SSU72: variants seen among roughly 807,000 people sequenced by gnomAD.
SSU72 encodes the protein RNA polymerase II subunit A C-terminal domain phosphatase SSU72.
A neutral mutation model predicts 22.7 loss-of-function variants in SSU72; 12 were observed. The ratio of observed to expected loss-of-function variants is 0.53; its 90% CI spans 0.34 to 0.86. The LOEUF (loss-of-function observed/expected upper bound fraction) is 0.86, where lower values mean the gene tolerates loss of function less well. SSU72 is among the 40% of genes least tolerant of loss of function. The probability of loss-of-function intolerance (pLI) is 0.02; values close to 1 mark genes in which losing one functional copy is unlikely to be tolerated. For synonymous variants in SSU72, 116 were observed against 98.3 expected, an observed-to-expected ratio of 1.18 and a Z score of -1.06; for missense variants, 151 against 249.8, an observed-to-expected ratio of 0.60 and a Z score of 2.67.
chr1:1,563,073 T>C (rs1173697489), intron 2 of SSU72: 1 of 152,302 alleles, frequency 6.6e-6, no homozygotes, highest in Non-Finnish European at 1.5e-5. Flanking sequence ...CTGCCCAGCG[T>C]CCTCACCCAC....
chr1:1,544,180 A>C (rs1330089853), intron 3 of SSU72, among the ~76,000 whole-genome samples, 193 bp from the exon 4 acceptor site: 4 of 152,196 alleles, frequency 2.6e-5, no homozygotes, highest in Non-Finnish European at 5.9e-5. Context: ...AACCTGAGCA[A>C]ATCTCCAACT....
Position 1,554,723 on chromosome 1 carries a change from C to T in SSU72, c.225-9721G>A, listed in dbSNP as rs1311571974. Among the ~76,000 whole-genome samples, 1 of 152,130 alleles carries T rather than the reference C, an allele frequency of 6.6e-6. No individual in the cohort carries two copies. Among genetic ancestry groups the T allele is most frequent in the Non-Finnish European group, 1.5e-5 (1 of 68,020 alleles). ...TGGCTGGCACCAGGGACCGCACTCT[C>T]CCACCACGGCCTGGGAAAAAGCCAT... On this transcript the variant is annotated intron_variant, in intron 2 of 4. Coordinates refer to ENST00000291386, the MANE Select transcript of SSU72 (RefSeq NM_014188.3). This position sits in a 1 kb window ranked among gnomAD's most constrained non-coding sequence, Gnocchi z 4.1.
chr1:1,544,797 C>T (rs1353966255), intron 3 of SSU72, 66 bp downstream of exon 3: 2 of 1,610,722 alleles, frequency 1.2e-6, no homozygotes, highest in Admixed American at 1.7e-5. Flanking sequence ...TGGTGGGGCC[C>T]TGCAGGCATC....
chr1:1,547,031 A>G (rs1434603434), intron 2 of SSU72, among the ~76,000 whole-genome samples: 1 of 152,104 alleles, frequency 6.6e-6, no homozygotes, highest in Non-Finnish European at 1.5e-5. Flanking sequence ...ACACCGTCTC[A>G]AAAAGAAAAG....
chr1:1,555,541 C>T (rs1030990779), intron 2 of SSU72, among the ~76,000 whole-genome samples: 4 of 152,126 alleles, frequency 2.6e-5, no homozygotes, highest in Non-Finnish European at 4.4e-5. Context: ...GTGCCACAAG[C>T]GTGGACGGCA....
chr1:1,544,093 C>A, intron 3 of SSU72, 106 bp from the exon 4 acceptor site: 1 of 835,372 alleles, frequency 1.2e-6, no homozygotes, highest in Admixed American at 2.1e-5. Flanking sequence ...CAGCCCAGCC[C>A]CAGTGGTTTC....
At position 1,574,809 on chromosome 1, in the gene SSU72, GC is replaced by G; in HGVS notation, c.-253del. On this transcript the variant is annotated 5_prime_UTR_variant, in exon 1 of 5. Transcript: ENST00000291386. Reference sequence around the variant, plus strand: ...GCCGGGGGCGGCCAACGCCGCGCCGGCCCCCGGCGTCCGCAGCAGAGACCCG... The same window carrying G: ...GCCGGGGGCGGCCAACGCCGCGCCGGCCCCGGCGTCCGCAGCAGAGACCCG... The G allele has an allele frequency of 1.3e-5, 3 of 226,540 alleles. No homozygotes were observed. The highest frequency in any genetic ancestry group is 1.8e-5 in the Non-Finnish European group (2 of 113,224). The allele number at this position is 226,540 out of a possible 1,614,324, so 14.0% of individuals were successfully genotyped here. A position where few individuals can be genotyped will look rare whatever the true frequency, so the allele number is the denominator to read the frequency against.
At chr1:1,560,582 A>C (rs1011091260) in intron 2 of SSU72, among the ~76,000 whole-genome samples, 7 of 152,366 alleles carry the variant, frequency 4.6e-5, no homozygotes, top group Admixed American at 1.3e-4. Context: ...AAAATCAGCC[A>C]TCTAGAGCCA....
At chr1:1,546,703 G>A (rs964619188) in intron 2 of SSU72, among the ~76,000 whole-genome samples, 4 of 151,906 alleles carry the variant, frequency 2.6e-5, no homozygotes, top group Non-Finnish European at 4.4e-5. Flanking sequence ...CAGGTGGGGC[G>A]GCACACACCT....
chr1:1,572,674 G>A (rs1157487375), intron 1 of SSU72, among the ~76,000 whole-genome samples: 1 of 151,274 alleles, frequency 6.6e-6, no homozygotes, highest in Non-Finnish European at 1.5e-5. Context: ...AGCCAGGATA[G>A]TCTCAATCTC....
At chr1:1,572,473 T>A (rs1642743231) in intron 1 of SSU72, among the ~76,000 whole-genome samples, 1 of 151,052 alleles carries the variant, frequency 6.6e-6, no homozygotes, top group Non-Finnish European at 1.5e-5. Flanking sequence ...ATGTATTTAT[T>A]TGAGATGGAG....
In SSU72 at chr1:1,574,482, G is replaced by A; in HGVS notation, c.76C>T (p.Leu26Phe). 1.3e-6 allele frequency: 2 copies of A among 1,595,594 alleles called. No homozygotes were observed. The highest frequency in any genetic ancestry group is 1.7e-6 in the Non-Finnish European group (2 of 1,173,158). Residue 26 changes from leucine (L) to phenylalanine (F), a missense_variant, in exon 1 of 5, where the codon CTC becomes TTC. By Grantham distance (22) the Leu-to-Phe change is conservative (BLOSUM62 0). Transcript: ENST00000291386. ...QNRSMEAHNI[L>F]SKRGFSVRSF... Reference sequence around the variant, plus strand: ...GACAGGGTGGAGCCCAACTACCTGAGGATGTTGTGCGCCTCCATGCTCCGG... The same window carrying A: ...GACAGGGTGGAGCCCAACTACCTGAAGATGTTGTGCGCCTCCATGCTCCGG...
rs41286748 is a variant in SSU72, at chr1:1,542,326, G to A, written c.484-159C>T. On this transcript the variant is annotated intron_variant, in intron 4 of 4. Transcript: ENST00000291386. The surrounding 1 kb of genome is among the most constrained non-coding windows in gnomAD (Gnocchi z 4.4). ...CTGCTGCCTCACAAGGACGGCCGGA[G>A]GCTGCAGGGGGAGAGCGTCCCGGGC... Among the ~76,000 whole-genome samples the A allele has an allele frequency of 8.2e-4, 125 of 152,324 alleles. No homozygotes were observed. In the Middle Eastern group the frequency reaches 0.02, roughly 25 times the overall value.
At chr1:1,564,573 C>A (rs371170736) in intron 2 of SSU72, 200 bp downstream of exon 2, 3 of 1,594,268 alleles carry the variant, frequency 1.9e-6, no homozygotes, top group Admixed American at 1.8e-5. Context: ...CGCCTCACCA[C>A]GCCTACTGCC....
At chr1:1,562,472 G>C (rs2100717508) in intron 2 of SSU72, 1 of 152,326 alleles carries the variant, frequency 6.6e-6, no homozygotes, top group South Asian at 2.1e-4. Flanking sequence ...TCCGGGAAGG[G>C]GCTGCGTGGT....
chr1:1,541,966 A>G lies in SSU72; in HGVS notation c.*100T>C. On this transcript the variant is annotated 3_prime_UTR_variant, in exon 5 of 5. Coordinates refer to ENST00000291386, the MANE Select transcript of SSU72 (RefSeq NM_014188.3). Reference sequence around the variant, plus strand: ...ATGCACAGTTTATTTGGGTAATGCTACCGTCACCAGCAGAACACCTGTAAG... The same window carrying G: ...ATGCACAGTTTATTTGGGTAATGCTGCCGTCACCAGCAGAACACCTGTAAG... 1 of 1,134,174 alleles carries G rather than the reference A, an allele frequency of 8.8e-7. No homozygotes were observed. The highest frequency in any genetic ancestry group is 1.3e-6 in the Non-Finnish European group (1 of 777,928). 70.3% of individuals were successfully genotyped at this position (1,134,174 alleles called of 1,614,324 possible).
chr1:1,552,998 G>A (rs1642470860), intron 2 of SSU72, among the ~76,000 whole-genome samples: 1 of 148,142 alleles, frequency 6.8e-6, no homozygotes, highest in Non-Finnish European at 1.5e-5. Flanking sequence ...TCCAGCCTGG[G>A]CGACAGAATG....
chr1:1,571,199 C>T (rs1291628874), intron 1 of SSU72, among the ~76,000 whole-genome samples: 11 of 136,678 alleles, frequency 8.0e-5, no homozygotes, highest in Non-Finnish European at 1.7e-4. Context: ...GAGCTGAAAT[C>T]GCGCCACTGC....
At chr1:1,572,390 T>C (rs1375898525) in intron 1 of SSU72, among the ~76,000 whole-genome samples, 1 of 147,764 alleles carries the variant, frequency 6.8e-6, no homozygotes, top group East Asian at 2.2e-4. Context: ...ATAGCACCAC[T>C]GCACTCCAGC....
Sources: allele counts gnomAD v4.1 joint callset (sites outside exome capture counted in the v4.1 genomes callset), GRCh38; gene constraint gnomAD v4.1.1; non-coding constraint Gnocchi (gnomAD v3.1); transcripts MANE v1.5; gene names NCBI Gene and HGNC (gene_info 2026-07-23, HGNC 2026-07-21).